Variants in MTBP observed in about 807,000 individuals in gnomAD.
MTBP encodes the protein mdm2-binding protein.
MTBP carries 101 observed loss-of-function variants against 117.0 expected under a neutral mutation model. That is an observed-to-expected ratio of 0.86 (90% CI 0.73 to 1.02). The LOEUF is 1.02. Ranked by LOEUF, MTBP falls within the 50% of genes least tolerant of loss-of-function variation. MTBP has a pLI of 0.00. For synonymous variants in MTBP, 350 were observed against 351.5 expected, an observed-to-expected ratio of 1.00 and a Z score of 0.05; for missense variants, 970 against 1,030.9, an observed-to-expected ratio of 0.94 and a Z score of 0.81.
At chr8:120,464,623 C>T (rs1213757297) in intron 10 of MTBP, among the ~76,000 whole-genome samples, 1 of 151,848 alleles carries the variant, frequency 6.6e-6, no homozygotes, top group Non-Finnish European at 1.5e-5. Context: ...TGATTTTGAC[C>T]TTAAGATGTA....
chr8:120,503,281 G>C (rs1814621514), intron 15 of MTBP, among the ~76,000 whole-genome samples: 1 of 152,184 alleles, frequency 6.6e-6, no homozygotes, highest in African/African-American at 2.4e-5. Flanking sequence ...CAGGCGCTGG[G>C]AATATGAGGA....
intron 13 of MTBP, among the ~76,000 whole-genome samples, chr8:120,494,149 G>T (rs1391584894): frequency 6.6e-6 from 1 of 152,094 alleles, no homozygotes; most frequent in East Asian, 1.9e-4. Flanking sequence ...CCTCGACATT[G>T]GTTGCCTCCT....
intron 4 of MTBP, 24 bp downstream of exon 4, chr8:120,451,346 TATC>T: frequency 5.7e-6 from 9 of 1,570,980 alleles, no homozygotes; most frequent in Non-Finnish European, 7.9e-6. Context: ...GTTTTTGTAT[TATC>T]ATTAAAATAC....
chr8:120,490,608 A>G (rs1814324973), intron 13 of MTBP, 38 bp downstream of exon 13: 1 of 1,368,710 alleles, frequency 7.3e-7, no homozygotes, highest in Non-Finnish European at 1.0e-6. Flanking sequence ...TACCCTAAAA[A>G]TGTTGACTTG....
At chr8:120,502,700 C>T in intron 15 of MTBP, 91 bp downstream of exon 15, 1 of 774,508 alleles carries the variant, frequency 1.3e-6, no homozygotes, top group Non-Finnish European at 2.0e-6. Context: ...GAGATTTAAG[C>T]AGTTTATTGT....
chr8:120,459,382 C>T, intron 8 of MTBP, 33 bp downstream of exon 8: 1 of 1,574,058 alleles, frequency 6.4e-7, no homozygotes, highest in Non-Finnish European at 8.6e-7. Flanking sequence ...TGTGATCATT[C>T]ATGTGTATTT....
chr8:120,487,188 A>G (rs1814239045), intron 11 of MTBP, among the ~76,000 whole-genome samples: 2 of 152,194 alleles, frequency 1.3e-5, no homozygotes, highest in South Asian at 4.1e-4. Context: ...AGAATAAGGG[A>G]TCAGAAGGCC....
In MTBP at chr8:120,502,609, G is replaced by C; in HGVS notation, c.1727G>C (p.Arg576Thr). 1.9e-6 allele frequency: 3 copies of C among 1,558,284 alleles called. No homozygotes were observed. Among genetic ancestry groups the C allele is most frequent in the Non-Finnish European group, 2.6e-6 (3 of 1,139,444 alleles). ...TTTGAAAAAACTAAACAAAAAATGA[G>C]GTAATATTTGAATCTGTAGTAAAGC... ...ETFEKTKQKM[R>T]TGSLPHSSEQ... The change falls in exon 15 of 22, where the codon AGA becomes ACA. Residue 576 changes from arginine (R) to threonine (T), a missense_variant and splice_region_variant. Arg to Thr is a moderately conservative substitution (Grantham distance 71). Transcript: ENST00000305949.
At chr8:120,513,948 C>A (rs566334575) in intron 17 of MTBP, among the ~76,000 whole-genome samples, 2 of 151,946 alleles carry the variant, frequency 1.3e-5, no homozygotes, top group Middle Eastern at 3.4e-3. Context: ...GGTTCTACTC[C>A]CTACTCTGCC....
In MTBP at chr8:120,506,737, TTG is replaced by T; in HGVS notation, c.1760_1761del (p.Leu587SerfsTer17). ...TGSLPHSSEQ[L>X]LGHKEGPRDS... ...TTCATTACCTCATTCATCTGAACAG[TTG>T]CTGGGCCACAAAGAGGGTCCTCGGG... On this transcript the variant is annotated frameshift_variant, in exon 16 of 22. Coordinates refer to ENST00000305949, the MANE Select transcript of MTBP (RefSeq NM_022045.5). LOFTEE classifies it high-confidence loss of function. The T allele has an allele frequency of 6.2e-7, 1 of 1,612,894 alleles. No homozygotes were observed. The highest frequency in any genetic ancestry group is 8.5e-7 in the Non-Finnish European group (1 of 1,179,466).
At position 120,451,202 on chromosome 8, in the gene MTBP, T is replaced by A; in HGVS notation, c.305T>A (p.Phe102Tyr). 1.9e-6 allele frequency: 3 copies of A among 1,609,606 alleles called. No individual in the cohort carries two copies. The South Asian group carries it at 3.3e-5, about 18-fold the overall frequency. ...AGTTCTGATTGGCAAGAGATACATT[T>A]TGATACAGAAAAAGATAAAATTGAA... ...FCSSDWQEIHFDTEKDKIEDV... is the reference protein window; with the variant it reads ...FCSSDWQEIHYDTEKDKIEDV... Residue 102 changes from phenylalanine to tyrosine, a missense_variant, in exon 4 of 22, where the codon TTT becomes TAT. Transcript: ENST00000305949.
intron 6 of MTBP, 128 bp from the exon 7 acceptor site, chr8:120,456,425 A>G (rs1813468689): frequency 3.4e-6 from 2 of 591,048 alleles, no homozygotes; most frequent in African/African-American, 3.8e-5. Flanking sequence ...TGGGTGTTTC[A>G]TATTAATAGG....
At chr8:120,454,974 A>G (rs915201599) in intron 5 of MTBP, among the ~76,000 whole-genome samples, 8 of 151,950 alleles carry the variant, frequency 5.3e-5, no homozygotes, top group Non-Finnish European at 1.0e-4. Flanking sequence ...TCCTTTATAA[A>G]AGAGACATCA....
At chr8:120,486,989 C>CA in intron 11 of MTBP, among the ~76,000 whole-genome samples, 1 of 152,294 alleles carries the variant, frequency 6.6e-6, no homozygotes, top group East Asian at 1.9e-4. Context: ...CTGCCATCCT[C>CA]ATAGCCCCTA....
At position 120,456,670 on chromosome 8, in the gene MTBP, G is replaced by T; in HGVS notation, c.747G>T (p.Lys249Asn). ...GGAAAATACAGATATGGGAAAGAAA[G>T]GTAAATGGATTATTCACAGTTTGCC... ...WRGKIQIWER[K>N]FGFEISFPEF... is the part of the protein sequence containing the mutation. Residue 249 changes from lysine (K) to asparagine (N), a missense_variant and splice_region_variant, in exon 7 of 22, where the codon AAG becomes AAT. Transcript: ENST00000305949. The T allele has an allele frequency of 6.7e-7, 1 of 1,494,130 alleles. No individual in the cohort carries two copies. The highest frequency in any genetic ancestry group is 1.2e-5 in the South Asian group (1 of 84,602). 92.6% of individuals were successfully genotyped at this position (1,494,130 alleles called of 1,614,324 possible).
At chr8:120,457,101 C>G (rs573660564) in intron 7 of MTBP, among the ~76,000 whole-genome samples, 1 of 152,222 alleles carries the variant, frequency 6.6e-6, no homozygotes, top group East Asian at 1.9e-4. Flanking sequence ...CATAATACTA[C>G]CTTAGGTGAT....
chr8:120,518,149 T>A (rs751380352), intron 19 of MTBP, 49 bp downstream of exon 19: 4 of 1,517,712 alleles, frequency 2.6e-6, no homozygotes, highest in Non-Finnish European at 3.5e-6. Context: ...GAAGACTTTT[T>A]AAATTTGATT....
At position 120,450,582 on chromosome 8, in the gene MTBP, G is replaced by A. The variant is rs190232991; in HGVS notation, c.200-421G>A. Among the ~76,000 whole-genome samples, 21 of 152,176 alleles carry A rather than the reference G, an allele frequency of 1.4e-4. 1 individual carries two copies. In the East Asian group the frequency reaches 4.1e-3, roughly 29 times the overall value. Reference sequence around the variant, plus strand: ...CTTTAGACTGGGTTTGCTCTTTAACGCCTCTGTCTCTAGTCAGGCTGAACC... The same window carrying A: ...CTTTAGACTGGGTTTGCTCTTTAACACCTCTGTCTCTAGTCAGGCTGAACC... On this transcript the variant is annotated intron_variant, in intron 2 of 21. Coordinates refer to ENST00000305949, the MANE Select transcript of MTBP (RefSeq NM_022045.5).
At chr8:120,503,557 T>C (rs75666640) in intron 15 of MTBP, among the ~76,000 whole-genome samples, 2,081 of 152,244 alleles carry the variant, frequency 0.014, 42 homozygotes, top group African/African-American at 0.046. Flanking sequence ...GTGAAGTACA[T>C]TCAGTCACAC....
Sources: gnomAD v4.1 joint callset for allele counts (sites outside exome capture counted in the v4.1 genomes callset) on GRCh38, gnomAD v4.1.1 for gene constraint, MANE v1.5 for transcripts, NCBI Gene and HGNC (gene_info 2026-07-23, HGNC 2026-07-21) for gene names.